Variants in CD79B observed in about 807,000 individuals in gnomAD.
CD79B encodes the protein B-cell antigen receptor complex-associated protein beta chain.
In CD79B, 7 loss-of-function variants were observed where a neutral mutation model predicts 30.0. That is an observed-to-expected ratio of 0.23 (90% confidence interval 0.13 to 0.44). The LOEUF (loss-of-function observed/expected upper bound fraction) is 0.44. Ranked by LOEUF, CD79B falls within the 20% of genes least tolerant of loss-of-function variation. CD79B has a pLI of 1.00. For synonymous variants in CD79B, 118 were observed against 119.2 expected (o/e 0.99, Z 0.07); for missense variants, 218 against 299.1 (o/e 0.73, Z 2.00).
chr17:63,930,530 T>C lies in CD79B; in HGVS notation c.119-145A>G, dbSNP rs541501676. The stretch of plus-strand genomic sequence containing the variant: ...GTGTGGGACAGGCAGGAGGCTGAGG[T>C]TGGAGTTGGGAAGCAGAGCCACGTG... On this transcript the variant is annotated intron_variant, in intron 2 of 5. Transcript: ENST00000006750. The C allele has an allele frequency of 4.6e-5, 36 of 774,794 alleles. No individual in the cohort carries two copies. The Admixed American group carries it at 6.4e-4, about 14-fold the overall frequency. The allele number at this position is 774,794 out of a possible 1,614,324, so 48.0% of individuals were successfully genotyped here.
At chr17:63,931,676 C>G (rs1049923148) in intron 1 of CD79B, among the ~76,000 whole-genome samples, 1 of 151,774 alleles carries the variant, frequency 6.6e-6, no homozygotes, top group African/African-American at 2.4e-5. Context: ...GAGGCCAAGA[C>G]AGGAGGATCG....
rs569162905 is a variant in CD79B at position 63,929,778 on chromosome 17, G to A, written c.541C>T (p.Leu181=). ...CCCCGTCCCCTGATCACCTTGTCCA[G>A]CAGCAGGAAGATAGGCACGATGATG... ...LFIIVPIFLL[L]DKDDSKAGME... Residue 181 remains leucine, a synonymous_variant, in exon 4 of 6, where the codon CTG becomes TTG. Transcript: ENST00000006750. 2 of 1,607,510 alleles carry A rather than the reference G, an allele frequency of 1.2e-6. No individual in the cohort carries two copies. Among genetic ancestry groups the A allele is most frequent in the Admixed American group, 3.3e-5 (2 of 60,014 alleles).
chr17:63,931,352 C>A lies in CD79B; in HGVS notation c.101G>T (p.Arg34Leu), dbSNP rs371573435. 1.2e-6 allele frequency: 2 copies of A among 1,613,884 alleles called. No individual in the cohort carries two copies. Among genetic ancestry groups the A allele is most frequent in the Non-Finnish European group, 1.7e-6 (2 of 1,180,016 alleles). The change falls in exon 2 of 6, where the codon CGG (arginine) becomes CTG (leucine). Residue 34 changes from arginine to leucine, a missense_variant. Coordinates refer to ENST00000006750, the MANE Select transcript of CD79B (RefSeq NM_000626.4). ...CTACTGACCTTTGGGATTCCGGTAC[C>A]GGTCCTCCGATCTGGCTGCTGGTAC... ...EPVPAARSED[R>L]YRNPKGSACS...
intron 3 of CD79B, 23 bp downstream of exon 3, chr17:63,930,051 C>T (rs370501060): frequency 1.0e-4 from 162 of 1,610,688 alleles, no homozygotes; most frequent in Admixed American, 2.3e-4. Context: ...GCTACAGGAG[C>T]GTCCCAGCCA....
At position 63,930,254 on chromosome 17, in the gene CD79B, C is replaced by T. The variant is rs373082402; in HGVS notation, c.250G>A (p.Glu84Lys). The part of the protein sequence containing the change: ...VSWLWKQEMD[E>K]NPQQLKLEKG... The stretch of plus-strand genomic sequence containing the variant: ...TCCAGCTTCAGCTGCTGGGGATTCT[C>T]GTCCATCTCCTGCTTCCAGAGCCAG... The change falls in exon 3 of 6, where the codon GAG becomes AAG. Residue 84 changes from glutamate to lysine, a missense_variant. Coordinates refer to ENST00000006750, the MANE Select transcript of CD79B (RefSeq NM_000626.4). 4.8e-5 allele frequency: 78 copies of T among 1,614,070 alleles called. No individual in the cohort carries two copies. Among genetic ancestry groups the T allele is most frequent in the African/African-American group, 2.9e-4 (22 of 74,930 alleles).
At chr17:63,929,560 G>T in intron 4 of CD79B, 85 bp from the exon 5 acceptor site, 1 of 1,403,184 alleles carries the variant, frequency 7.1e-7, no homozygotes. Context: ...GGGCCAGGGA[G>T]AGGGGTGAGG....
chr17:63,929,911 G>T (rs769696788), intron 3 of CD79B, 23 bp from the exon 4 acceptor site: 7 of 1,587,114 alleles, frequency 4.4e-6, no homozygotes, highest in Non-Finnish European at 6.1e-6. Flanking sequence ...GGGTGGGGTT[G>T]TGAGCCTGGG....
In CD79B at chr17:63,929,402, C is replaced by T. The variant is rs1171638661; in HGVS notation, c.591+32G>A. On this transcript the variant is annotated intron_variant, in intron 5 of 5. Transcript: ENST00000006750. ...AGATAGTGGCCACTGACCCCGAGGA[C>T]TCAGAGCTGCTGGGCCTGCCCCTCT... The T allele has an allele frequency of 2.5e-6, 4 of 1,613,434 alleles. No homozygotes were observed. In the East Asian group the frequency reaches 8.9e-5, roughly 36 times the overall value.
intron 4 of CD79B, 96 bp downstream of exon 4, chr17:63,929,674 A>C (rs1225816757): frequency 1.9e-6 from 2 of 1,030,208 alleles, no homozygotes; most frequent in African/African-American, 1.6e-5. Context: ...CAAGAAGGCC[A>C]CAACGAGAGC....
At position 63,929,904 on chromosome 17, in the gene CD79B, T is replaced by G; in HGVS notation, c.431-16A>C. On this transcript the variant is annotated splice_polypyrimidine_tract_variant and intron_variant, in intron 3 of 5. Transcript: ENST00000006750. ...GTGCTGAATCCTGCGGGGACAGGGG[T>G]GGGGTTGTGAGCCTGGGCCACAGTC... 1 of 1,598,044 alleles carries G rather than the reference T, an allele frequency of 6.3e-7. No individual in the cohort carries two copies. The highest frequency in any genetic ancestry group is 8.6e-7 in the Non-Finnish European group (1 of 1,165,780).
rs371735747 is a variant in CD79B, at chr17:63,932,291, C to G, written c.-30G>C. The G allele has an allele frequency of 6.2e-7, 1 of 1,604,560 alleles. No individual in the cohort carries two copies. The highest frequency in any genetic ancestry group is 1.1e-5 in the South Asian group (1 of 90,974). On this transcript the variant is annotated 5_prime_UTR_variant, in exon 1 of 6. Coordinates refer to ENST00000006750, the MANE Select transcript of CD79B (RefSeq NM_000626.4). ...ACCGCTCTGTCCCCGACCCCAAACC[C>G]GTGACAACGTCCGAGGCTCCTTGGA... is the stretch of plus-strand genomic sequence containing the variant.
intron 2 of CD79B, chr17:63,930,958 T>G (rs2320125): frequency 5.3e-4 from 179 of 338,106 alleles, no homozygotes; most frequent in African/African-American, 3.4e-3. Flanking sequence ...TTGTTCTTAG[T>G]GAGCACTGCC....
rs533181656 is a variant in CD79B at position 63,930,657 on chromosome 17, C to T, written c.119-272G>A. 2.7e-4 allele frequency: 151 copies of T among 555,130 alleles called. No homozygotes were observed. In the South Asian group the frequency reaches 2.9e-3, roughly 11 times the overall value. The allele number at this position is 555,130 out of a possible 1,614,324, so 34.4% of individuals were successfully genotyped here. A position where few individuals can be genotyped will look rare whatever the true frequency, so the allele number is the denominator to read the frequency against. Reference sequence around the variant, plus strand: ...ATTTTCCTTTGGAAGAGCCCTGGGACCTTGCCATTCCTTCCTATGCCCATT... The same window carrying T: ...ATTTTCCTTTGGAAGAGCCCTGGGATCTTGCCATTCCTTCCTATGCCCATT... On this transcript the variant is annotated intron_variant, in intron 2 of 5. Transcript: ENST00000006750.
chr17:63,929,172 A>T lies in CD79B; in HGVS notation c.*54T>A. 1 of 1,221,214 alleles carries T rather than the reference A, an allele frequency of 8.2e-7. No homozygotes were observed. Among genetic ancestry groups the T allele is most frequent in the Non-Finnish European group, 1.2e-6 (1 of 822,616 alleles). 75.6% of individuals were successfully genotyped at this position (1,221,214 alleles called of 1,614,324 possible). A position where few individuals can be genotyped will look rare whatever the true frequency, so the allele number is the denominator to read the frequency against. The stretch of plus-strand genomic sequence containing the variant: ...TTGGGCCATGAGCCAGGCAGCTCCG[A>T]AGCAGTCACTGAGGCCAGGGAGCCT... On this transcript the variant is annotated 3_prime_UTR_variant, in exon 6 of 6. Coordinates refer to ENST00000006750, the MANE Select transcript of CD79B (RefSeq NM_000626.4).
chr17:63,930,396 C>A lies in CD79B; in HGVS notation c.119-11G>T. On this transcript the variant is annotated splice_polypyrimidine_tract_variant and intron_variant, in intron 2 of 5. Transcript: ENST00000006750. ...GCGAACAAGCACTACCTGTGGGTGC[C>A]AAGGCCAGGCTCAGCATTCCGCTTG... is the stretch of plus-strand genomic sequence containing the variant. The A allele has an allele frequency of 8.7e-6, 14 of 1,612,454 alleles. No individual in the cohort carries two copies. Among genetic ancestry groups the A allele is most frequent in the Non-Finnish European group, 1.2e-5 (14 of 1,179,386 alleles).
At chr17:63,931,787 C>T (rs376976877) in intron 1 of CD79B, 19 of 366,704 alleles carry the variant, frequency 5.2e-5, no homozygotes, top group African/African-American at 1.7e-4. Context: ...AGTCACAGCC[C>T]GGAGGATCTT....
At chr17:63,930,763 C>T (rs945145346) in intron 2 of CD79B, among the ~76,000 whole-genome samples, 3 of 152,164 alleles carry the variant, frequency 2.0e-5, no homozygotes, top group African/African-American at 7.2e-5. Flanking sequence ...CTGCCCTGCA[C>T]AGGCTTGAAA....
chr17:63,929,645 CA>C, intron 4 of CD79B, 124 bp downstream of exon 4: 1 of 956,702 alleles, frequency 1.0e-6, no homozygotes. Flanking sequence ...ATTGGTGAGC[CA>C]GTGGGGACAG....
intron 4 of CD79B, 24 bp downstream of exon 4, chr17:63,929,746 A>G (rs201808984): frequency 3.8e-4 from 590 of 1,552,892 alleles, no homozygotes; most frequent in Non-Finnish European, 4.9e-4. Context: ...CGGTCCCCCA[A>G]GGCTTCCCCC....
Sources: allele counts gnomAD v4.1 joint callset (sites outside exome capture counted in the v4.1 genomes callset), GRCh38; gene constraint gnomAD v4.1.1; transcripts MANE v1.5; gene names NCBI Gene and HGNC (gene_info 2026-07-23, HGNC 2026-07-21).